The following FAM234A variants were observed in gnomAD, a reference collection of about 807,000 sequenced individuals.
FAM234A encodes the protein family with sequence similarity 234 member A, also known as protein FAM234A.
In FAM234A, 42 loss-of-function variants were observed where a neutral mutation model predicts 49.1. The observed-to-expected ratio is 0.86, with a 90% CI of 0.67 to 1.11. The LOEUF (loss-of-function observed/expected upper bound fraction) is 1.11, where lower values mean the gene tolerates loss of function less well. Ranked by LOEUF, FAM234A falls within the 50% of genes least tolerant of loss-of-function variation. The pLI is 0.00. For synonymous variants in FAM234A, 369 were observed against 316.2 expected, an observed-to-expected ratio of 1.17 and a Z score of -1.77; for missense variants, 815 against 745.2, an observed-to-expected ratio of 1.09 and a Z score of -1.09.
chr16:257,605 G>GT (rs955058495), intron 3 of FAM234A, among the ~76,000 whole-genome samples: 44 of 149,048 alleles, frequency 3.0e-4, no homozygotes, highest in South Asian at 4.3e-4. Flanking sequence ...GATTTTTCCC[G>GT]TTTTTTTTTT....
chr16:269,017 T>A, downstream of FAM234A: 1 of 1,368,792 alleles, frequency 7.3e-7, no homozygotes, highest in Non-Finnish European at 1.0e-6. Context: ...TAACAGGCTC[T>A]GCCCTGACCC....
chr16:263,010 G>A (rs1030073143), intron 8 of FAM234A, among the ~76,000 whole-genome samples: 1 of 151,990 alleles, frequency 6.6e-6, no homozygotes, highest in African/African-American at 2.4e-5. Flanking sequence ...AGTAGAGACG[G>A]GGTTTCTCCA....
At chr16:235,160 G>A (rs1386347457) in intron 1 of FAM234A, among the ~76,000 whole-genome samples, 2 of 152,222 alleles carry the variant, frequency 1.3e-5, no homozygotes, top group Non-Finnish European at 2.9e-5. Flanking sequence ...TCCTCAAAGC[G>A]GGGTTTTACC....
At chr16:268,859 G>A (rs1276875568), downstream of FAM234A, 3 of 1,550,438 alleles carry the variant, frequency 1.9e-6, no homozygotes, top group Admixed American at 3.9e-5. Context: ...TGTGACGGGT[G>A]TGTGGGAAGC....
downstream of FAM234A, chr16:268,439 A>G: frequency 1.9e-5 from 7 of 375,482 alleles, 2 homozygotes; most frequent in South Asian, 2.2e-4. Flanking sequence ...TGCACCCCCG[A>G]AAGGAGCCAG....
chr16:239,904 A>G (rs923827532), intron 1 of FAM234A, among the ~76,000 whole-genome samples: 5 of 152,040 alleles, frequency 3.3e-5, no homozygotes, highest in Non-Finnish European at 7.4e-5. Context: ...TCATGGAACC[A>G]TGATCTTTAA....
Position 236,832 on chromosome 16 carries a change from G to A in FAM234A, c.-140+1975G>A, listed in dbSNP as rs1472093047. On this transcript the variant is annotated intron_variant, in intron 1 of 12. Coordinates refer to ENST00000399932, the MANE Select transcript of FAM234A (RefSeq NM_032039.4). ...GAGGCAGGAGAATGGCGGAAACCCC[G>A]GGGGGCGGAGCCTGCAGTGAGCCGA... Among the ~76,000 whole-genome samples, 6 of 115,184 alleles carry A rather than the reference G, an allele frequency of 5.2e-5. 1 individual carries two copies. The highest frequency in any genetic ancestry group is 1.7e-4 in the African/African-American group (6 of 35,034). The allele number at this position is 115,184 out of a possible 152,430, so 75.6% of individuals were successfully genotyped here.
chr16:247,062 C>T (rs1183308872), intron 1 of FAM234A: 1 of 151,930 alleles, frequency 6.6e-6, no homozygotes, highest in African/African-American at 2.4e-5. Context: ...CGCAAACCAC[C>T]ACGCCCGGTC....
intron 3 of FAM234A, among the ~76,000 whole-genome samples, 171 bp from the exon 4 acceptor site, chr16:259,311 CT>C (rs565203806): frequency 2.4e-3 from 358 of 152,270 alleles, no homozygotes; most frequent in African/African-American, 8.3e-3. Context: ...TGCCCACCCC[CT>C]GGTTTTCACG....
At position 263,246 on chromosome 16, in the gene FAM234A, C is replaced by A; in HGVS notation, c.972-16C>A. ...CCCGGGGACCCGGCGCCCCTTTCTCCCACTCTCCTGTCTAGCTCTGGAGCA... is the reference window on the plus strand; with the variant it reads ...CCCGGGGACCCGGCGCCCCTTTCTCACACTCTCCTGTCTAGCTCTGGAGCA... On this transcript the variant is annotated splice_polypyrimidine_tract_variant and intron_variant, in intron 8 of 12. Transcript: ENST00000399932. 1.9e-6 allele frequency: 3 copies of A among 1,609,234 alleles called. No individual in the cohort carries two copies. Among genetic ancestry groups the A allele is most frequent in the Non-Finnish European group, 2.5e-6 (3 of 1,178,056 alleles).
In FAM234A at chr16:264,932, C is replaced by T. The variant is rs2051638407; in HGVS notation, c.1569C>T (p.Ser523=). ...AGGTGCGGGACCTTGTCCCAAGCAG[C>T]AGGGTGGTCCGCCTGGGTGAGGGTG... The part of the protein sequence containing the change: ...KHKVRDLVPS[S]RVVRLGEGGP... The change falls in exon 13 of 13, where the codon AGC becomes AGT. Residue 523 remains serine, a synonymous_variant. Coordinates refer to ENST00000399932, the MANE Select transcript of FAM234A (RefSeq NM_032039.4). 2 of 1,613,040 alleles carry T rather than the reference C, an allele frequency of 1.2e-6. No homozygotes were observed. The highest frequency in any genetic ancestry group is 1.7e-6 in the Non-Finnish European group (2 of 1,179,860).
Position 254,614 on chromosome 16 carries a change from A to G in FAM234A, c.201A>G (p.Ser67=). The change falls in exon 3 of 13, where the codon TCA becomes TCG. Residue 67 remains serine (S), a synonymous_variant. Transcript: ENST00000399932. ...GCCTTTTTGTGGTGTTCGTCGTCTC[A>G]TTCGTCATCCCGTGTCCAGACCGGC... is the stretch of plus-strand genomic sequence containing the variant. ...FLCLFVVFVV[S]FVIPCPDRPA... 1 of 1,613,960 alleles carries G rather than the reference A, an allele frequency of 6.2e-7. No homozygotes were observed. The highest frequency in any genetic ancestry group is 8.5e-7 in the Non-Finnish European group (1 of 1,179,974).
At chr16:254,730 G>C (rs759920549) in intron 3 of FAM234A, 49 bp downstream of exon 3, 4 of 1,596,122 alleles carry the variant, frequency 2.5e-6, no homozygotes, top group East Asian at 2.2e-5. Flanking sequence ...GCTCTTCCCA[G>C]GGGATGGGGC....
In FAM234A at chr16:264,656, A is replaced by C. The variant is rs1056180870; in HGVS notation, c.1387A>C (p.Thr463Pro). 10 of 1,611,358 alleles carry C rather than the reference A, an allele frequency of 6.2e-6. No individual in the cohort carries two copies. In the African/African-American group the frequency reaches 6.7e-5, roughly 11 times the overall value. ...GCACAGCCTGTACATGTTCCACCCCACCCTGCCGCGCGTGCTGCTGGAGCT... is the reference window on the plus strand; with the variant it reads ...GCACAGCCTGTACATGTTCCACCCCCCCCTGCCGCGCGTGCTGCTGGAGCT... ...ARHSLYMFHP[T>P]LPRVLLELAN... The change falls in exon 12 of 13, where the codon ACC becomes CCC. Residue 463 changes from threonine (T) to proline (P), a missense_variant. Coordinates refer to ENST00000399932, the MANE Select transcript of FAM234A (RefSeq NM_032039.4).
intron 5 of FAM234A, chr16:261,100 A>G: frequency 3.1e-6 from 1 of 326,982 alleles, no homozygotes; most frequent in Non-Finnish European, 5.8e-6. Flanking sequence ...AGGAAGGGGG[A>G]ACTCTGCGGT....
At chr16:256,680 C>T (rs2051246353) in intron 3 of FAM234A, among the ~76,000 whole-genome samples, 1 of 151,952 alleles carries the variant, frequency 6.6e-6, no homozygotes, top group African/African-American at 2.4e-5. Context: ...AAGCGATTCT[C>T]CTGCCTCAGC....
chr16:242,761 C>T (rs2050665077), intron 1 of FAM234A, among the ~76,000 whole-genome samples: 1 of 151,480 alleles, frequency 6.6e-6, no homozygotes, highest in Admixed American at 6.6e-5. Flanking sequence ...TACTGATGCA[C>T]ATCACCACGC....
chr16:253,569 G>C (rs765410203), intron 2 of FAM234A, among the ~76,000 whole-genome samples: 27 of 151,906 alleles, frequency 1.8e-4, no homozygotes, highest in Non-Finnish European at 3.4e-4. Flanking sequence ...CCGCCTCCCG[G>C]GTTCACGCCA....
At chr16:244,257 C>G (rs570333155) in intron 1 of FAM234A, among the ~76,000 whole-genome samples, 3 of 152,220 alleles carry the variant, frequency 2.0e-5, no homozygotes, top group South Asian at 2.1e-4. Context: ...CGTGAGCCAC[C>G]GCGCCCGGTC....
Sources: gnomAD v4.1 joint callset for allele counts (sites outside exome capture counted in the v4.1 genomes callset) on GRCh38, gnomAD v4.1.1 for gene constraint, MANE v1.5 for transcripts, NCBI Gene and HGNC (gene_info 2026-07-23, HGNC 2026-07-21) for gene names.